NFIA: variants seen among roughly 807,000 people sequenced by gnomAD.
NFIA encodes nuclear factor 1 A-type.
Under a neutral mutation model 62.8 loss-of-function variants are expected in NFIA, and 8 were observed. That is an observed-to-expected ratio of 0.13 (90% CI 0.07 to 0.23). The LOEUF is 0.23. NFIA is among the 10% of genes least tolerant of loss of function. NFIA has a pLI of 1.00. For synonymous variants in NFIA, 235 were observed against 238.1 expected (o/e 0.99, Z 0.12); for missense variants, 410 against 642.1 (o/e 0.64, Z 3.91).
chr1:61,086,940 C>T (rs1409983989), intron 1 of NFIA, among the ~76,000 whole-genome samples: 3 of 152,032 alleles, frequency 2.0e-5, no homozygotes, highest in African/African-American at 7.2e-5. Flanking sequence ...GTTTCTAATC[C>T]TCATTTATTT....
At position 61,287,745 on chromosome 1, in the gene NFIA, C is replaced by T. The variant is rs184936096; in HGVS notation, c.625+10160C>T. Among the ~76,000 whole-genome samples the T allele has an allele frequency of 5.7e-4, 87 of 151,840 alleles. 1 individual carries two copies. Among genetic ancestry groups the T allele is most frequent in the African/African-American group, 1.9e-3 (77 of 41,400 alleles). ...TTTAGTACTGCGTGAAATATACTTA[C>T]ACAAACAAAGTATTCATTGTTTGTC... On this transcript the variant is annotated intron_variant, in intron 3 of 10. Coordinates refer to ENST00000403491, the MANE Select transcript of NFIA (RefSeq NM_001134673.4).
chr1:61,242,754 T>G (rs1393272153), intron 2 of NFIA, among the ~76,000 whole-genome samples: 4 of 152,214 alleles, frequency 2.6e-5, no homozygotes, highest in Non-Finnish European at 5.9e-5. Context: ...TTTTAGGTGA[T>G]AAAACATTTT....
chr1:61,448,528 C>G (rs1667925714), intron 10 of NFIA, among the ~76,000 whole-genome samples: 1 of 152,190 alleles, frequency 6.6e-6, no homozygotes, highest in Non-Finnish European at 1.5e-5. Flanking sequence ...GTAGTAGCCC[C>G]TAGCCAGGCA....
At chr1:61,144,807 T>TG (rs1647807087) in intron 2 of NFIA, among the ~76,000 whole-genome samples, 1 of 152,188 alleles carries the variant, frequency 6.6e-6, no homozygotes, top group South Asian at 2.1e-4. Flanking sequence ...AATGGGTAGA[T>TG]GTTTATTTTC....
chr1:61,241,148 G>C (rs1450944376), intron 2 of NFIA, among the ~76,000 whole-genome samples: 1 of 152,086 alleles, frequency 6.6e-6, no homozygotes, highest in Non-Finnish European at 1.5e-5. Flanking sequence ...GATGGAATGT[G>C]ATGACAGCAC....
At chr1:61,120,088 TG>T (rs1365071702) in intron 2 of NFIA, among the ~76,000 whole-genome samples, 1 of 152,200 alleles carries the variant, frequency 6.6e-6, no homozygotes, top group African/African-American at 2.4e-5. Flanking sequence ...TTGAATTTTA[TG>T]GTTTCTGTAT....
At chr1:61,312,892 A>G (rs558940148) in intron 3 of NFIA, among the ~76,000 whole-genome samples, 4 of 152,320 alleles carry the variant, frequency 2.6e-5, no homozygotes, top group African/African-American at 9.6e-5. Context: ...AACCAAAACA[A>G]AAAAATACTT....
intron 3 of NFIA, among the ~76,000 whole-genome samples, chr1:61,315,381 T>C (rs1311058083): frequency 6.6e-6 from 1 of 152,240 alleles, no homozygotes; most frequent in African/African-American, 2.4e-5. Context: ...CGCATACATA[T>C]ATGTTTGTGT....
intron 2 of NFIA, among the ~76,000 whole-genome samples, chr1:61,171,304 G>A (rs956034060): frequency 2.6e-5 from 4 of 152,108 alleles, no homozygotes; most frequent in African/African-American, 9.7e-5. Flanking sequence ...ATAAAAAGCC[G>A]AGCAAATCGA....
intron 8 of NFIA, 52 bp from the exon 9 acceptor site, chr1:61,406,510 C>A: frequency 2.0e-6 from 3 of 1,482,042 alleles, no homozygotes; most frequent in South Asian, 2.5e-5. Context: ...TGGTTGCTGT[C>A]TCTTTCTTCT....
chr1:61,210,200 G>A (rs758405430), intron 2 of NFIA, among the ~76,000 whole-genome samples: 2 of 152,144 alleles, frequency 1.3e-5, no homozygotes, highest in Non-Finnish European at 2.9e-5. Context: ...TTCTGCAGCA[G>A]GCAATGTGGT....
intron 3 of NFIA, among the ~76,000 whole-genome samples, chr1:61,313,131 A>T (rs546520972): frequency 4.7e-4 from 71 of 152,352 alleles, no homozygotes; most frequent in African/African-American, 1.6e-3. Flanking sequence ...GACAAATTGT[A>T]TTCAGAGAGA....
intron 4 of NFIA, among the ~76,000 whole-genome samples, chr1:61,337,279 G>C (rs117841792): frequency 6.6e-6 from 1 of 151,780 alleles, no homozygotes; most frequent in Non-Finnish European, 1.5e-5. Flanking sequence ...GCAATCTTCC[G>C]TGAACTCCCC....
At chr1:61,089,695 C>CTTT (rs918196815) in intron 2 of NFIA, among the ~76,000 whole-genome samples, 8 of 107,772 alleles carry the variant, frequency 7.4e-5, no homozygotes, top group Admixed American at 1.9e-4. Flanking sequence ...GTTTTTTTTT[C>CTTT]TTTTTTTTTT....
chr1:61,363,942 T>C (rs971440753), intron 6 of NFIA, among the ~76,000 whole-genome samples: 5 of 122,628 alleles, frequency 4.1e-5, no homozygotes, highest in Non-Finnish European at 1.6e-5. Context: ...TACATCTGCA[T>C]CTACTATTTT....
intron 7 of NFIA, among the ~76,000 whole-genome samples, chr1:61,396,350 A>G (rs559120379): frequency 4.6e-5 from 7 of 152,172 alleles, no homozygotes; most frequent in African/African-American, 1.4e-4. Flanking sequence ...GGATTAAGCA[A>G]TCCTCCCACC....
intron 2 of NFIA, among the ~76,000 whole-genome samples, chr1:61,186,081 A>G (rs61770508): frequency 3.6e-4 from 55 of 152,130 alleles, no homozygotes; most frequent in Admixed American, 5.9e-4. Context: ...ATTTTACTCA[A>G]TCCTACATTT....
At chr1:61,287,060 G>A (rs894952904) in intron 3 of NFIA, among the ~76,000 whole-genome samples, 3 of 152,114 alleles carry the variant, frequency 2.0e-5, no homozygotes, top group Non-Finnish European at 4.4e-5. Context: ...AAAAGATATG[G>A]CACATCCTTG....
intron 2 of NFIA, among the ~76,000 whole-genome samples, chr1:61,266,774 G>A (rs1407917175): frequency 6.6e-6 from 1 of 152,090 alleles, no homozygotes; most frequent in African/African-American, 2.4e-5. Flanking sequence ...TATGTTCCAG[G>A]CATGGTGCTA....
Sources: allele counts gnomAD v4.1 joint callset (sites outside exome capture counted in the v4.1 genomes callset), GRCh38; gene constraint gnomAD v4.1.1; transcripts MANE v1.5; gene names NCBI Gene and HGNC (gene_info 2026-07-23, HGNC 2026-07-21).